WWTR1: variants seen among roughly 807,000 people sequenced by gnomAD.
WWTR1 encodes the protein WW domain-containing transcription regulator protein 1.
WWTR1 carries 13 observed loss-of-function variants against 40.1 expected under a neutral mutation model. That is an observed-to-expected ratio of 0.32 (90% CI 0.21 to 0.52). The LOEUF is 0.52. Ranked by LOEUF, WWTR1 falls within the 20% of genes least tolerant of loss-of-function variation. The probability of loss-of-function intolerance (pLI) is 0.97; values close to 1 mark genes in which losing one functional copy is unlikely to be tolerated. For missense variants in WWTR1, 436 were observed against 523.1 expected (o/e 0.83, Z 1.63); for synonymous variants, 230 against 210.1 (o/e 1.09, Z -0.82).
In WWTR1 at chr3:149,572,773, C is replaced by T. The variant is rs78842959; in HGVS notation, c.568+91G>A. The T allele has an allele frequency of 1.2e-4, 171 of 1,460,914 alleles. No individual in the cohort carries two copies. The East Asian group carries it at 2.5e-3, about 22-fold the overall frequency. The allele number at this position is 1,460,914 out of a possible 1,614,324, so 90.5% of individuals were successfully genotyped here. On this transcript the variant is annotated intron_variant, in intron 3 of 6. Coordinates refer to ENST00000360632, the MANE Select transcript of WWTR1 (RefSeq NM_015472.6). ...GAGGTGTTAGGATTGTTTGAGCCCA[C>T]GAGTTCAACACCAGCCTGGGCAACA...
At chr3:149,671,932 ATTTC>A (rs1400021214) in intron 1 of WWTR1, among the ~76,000 whole-genome samples, 1 of 152,142 alleles carries the variant, frequency 6.6e-6, no homozygotes, top group Non-Finnish European at 1.5e-5. Context: ...ATCAAAGCCT[ATTTC>A]TTTCTCACAG....
chr3:149,530,123 G>A (rs1447083285), intron 4 of WWTR1, among the ~76,000 whole-genome samples: 2 of 152,044 alleles, frequency 1.3e-5, no homozygotes, highest in Admixed American at 1.3e-4. Flanking sequence ...TGAGGCGGGT[G>A]GATCACGAGG....
At chr3:149,645,935 G>A (rs1712501912) in intron 2 of WWTR1, among the ~76,000 whole-genome samples, 1 of 152,162 alleles carries the variant, frequency 6.6e-6, no homozygotes, top group Admixed American at 6.5e-5. Context: ...ACAGTGTTCA[G>A]AATTGAGATG....
Position 149,599,028 on chromosome 3 carries a change from C to T in WWTR1, c.432-26028G>A, listed in dbSNP as rs148510601. ...TATCAAATTATCTTTAATTGGCCAA[C>T]CAATTTTTATGACACACTGACATGT... On this transcript the variant is annotated intron_variant, in intron 2 of 6. Transcript: ENST00000360632. Among the ~76,000 whole-genome samples, 498 of 152,182 alleles carry T rather than the reference C, an allele frequency of 3.3e-3. 13 individuals carry two copies. Among genetic ancestry groups the T allele is most frequent in the Admixed American group, 0.029 (442 of 15,286 alleles).
At chr3:149,524,838 A>G (rs75523180) in intron 6 of WWTR1, among the ~76,000 whole-genome samples, 1 of 152,196 alleles carries the variant, frequency 6.6e-6, no homozygotes, top group Non-Finnish European at 1.5e-5. Flanking sequence ...TGGGGGAAGG[A>G]ATTTTTTATT....
At chr3:149,685,325 C>T (rs955837023) in intron 1 of WWTR1, among the ~76,000 whole-genome samples, 3 of 152,156 alleles carry the variant, frequency 2.0e-5, no homozygotes, top group African/African-American at 4.8e-5. Context: ...AAGATCACCA[C>T]GCCCAACAGA....
chr3:149,707,924 G>A (rs777307065), upstream of WWTR1, among the ~76,000 whole-genome samples: 1 of 150,676 alleles, frequency 6.6e-6, no homozygotes, highest in Non-Finnish European at 1.5e-5. Context: ...ATGGCCAACA[G>A]TATGGTATGG....
intron 2 of WWTR1, among the ~76,000 whole-genome samples, chr3:149,633,514 C>T (rs1052403865): frequency 1.4e-4 from 22 of 152,164 alleles, no homozygotes; most frequent in Admixed American, 5.2e-4. Flanking sequence ...ATTAGGCAAG[C>T]GTCCTACCTA....
At chr3:149,627,966 G>A (rs1423865588) in intron 2 of WWTR1, among the ~76,000 whole-genome samples, 2 of 152,052 alleles carry the variant, frequency 1.3e-5, no homozygotes, top group Non-Finnish European at 2.9e-5. Flanking sequence ...CCAGCTACTC[G>A]GGAGGCTGAG....
chr3:149,575,562 G>A (rs529765114), intron 2 of WWTR1, among the ~76,000 whole-genome samples: 5 of 152,230 alleles, frequency 3.3e-5, no homozygotes, highest in Admixed American at 2.6e-4. Context: ...CACAGGCCCC[G>A]GTGAGATGTG....
intron 1 of WWTR1, among the ~76,000 whole-genome samples, chr3:149,675,043 A>G (rs12636220): frequency 0.2 from 30,305 of 152,136 alleles, 3,261 homozygotes; most frequent in Admixed American, 0.3. Flanking sequence ...TTGAGACGCT[A>G]GTCCGGGGTT....
chr3:149,702,590 T>C (rs2108225070), intron 1 of WWTR1: 1 of 152,070 alleles, frequency 6.6e-6, no homozygotes, highest in Middle Eastern at 3.4e-3. Context: ...TAGTAAGCAC[T>C]AAGAAATAAC....
intron 2 of WWTR1, among the ~76,000 whole-genome samples, chr3:149,616,374 C>T (rs191566675): frequency 6.6e-6 from 1 of 152,244 alleles, no homozygotes; most frequent in East Asian, 1.9e-4. Flanking sequence ...GTAATGAAAT[C>T]CCCTGGCTAG....
chr3:149,578,287 T>C (rs1410650437), intron 2 of WWTR1, among the ~76,000 whole-genome samples: 8 of 152,160 alleles, frequency 5.3e-5, no homozygotes, highest in Admixed American at 5.2e-4. Context: ...ACTACCCATA[T>C]GCATGAGACA....
chr3:149,580,105 T>G (rs1319801890), intron 2 of WWTR1, among the ~76,000 whole-genome samples: 1 of 152,258 alleles, frequency 6.6e-6, no homozygotes, highest in African/African-American at 2.4e-5. Flanking sequence ...GGTGGTTTAC[T>G]TTCTCGTTGT....
At chr3:149,597,416 T>G (rs2108042821) in intron 2 of WWTR1, among the ~76,000 whole-genome samples, 1 of 112,408 alleles carries the variant, frequency 8.9e-6, no homozygotes, top group Admixed American at 1.2e-4. Context: ...GGCAACATGG[T>G]GAAACCCCAG....
intron 2 of WWTR1, among the ~76,000 whole-genome samples, chr3:149,622,631 T>A (rs1036117313): frequency 5.3e-5 from 8 of 152,076 alleles, no homozygotes; most frequent in African/African-American, 1.9e-4. Flanking sequence ...TGGGCAGATC[T>A]CTTGAGCTCA....
At chr3:149,521,769 A>G (rs1576532649) in intron 6 of WWTR1, among the ~76,000 whole-genome samples, 8 of 152,336 alleles carry the variant, frequency 5.3e-5, no homozygotes, top group Admixed American at 5.2e-4. Flanking sequence ...TATGTGTCAT[A>G]GTATGGGACA....
At chr3:149,561,789 A>T (rs1737090564) in intron 3 of WWTR1, among the ~76,000 whole-genome samples, 1 of 152,238 alleles carries the variant, frequency 6.6e-6, no homozygotes, top group Non-Finnish European at 1.5e-5. Context: ...GACATACTGT[A>T]TATGCCCAAG....
Sources: allele counts gnomAD v4.1 joint callset (sites outside exome capture counted in the v4.1 genomes callset), GRCh38; gene constraint gnomAD v4.1.1; transcripts MANE v1.5; gene names NCBI Gene and HGNC (gene_info 2026-07-23, HGNC 2026-07-21).